Variants in SEC62 observed in about 807,000 individuals in gnomAD.
SEC62 encodes the protein SEC62 preprotein translocation factor, also known as translocation protein SEC62.
A neutral mutation model predicts 47.5 loss-of-function variants in SEC62; 10 were observed. That is an observed-to-expected ratio of 0.21 (90% CI 0.13 to 0.36). SEC62 has a LOEUF of 0.36. Ranked by LOEUF, SEC62 falls within the 10% of genes least tolerant of loss-of-function variation. SEC62 has a pLI of 1.00. For synonymous variants in SEC62, 136 were observed against 150.5 expected (o/e 0.90, Z 0.71); for missense variants, 327 against 464.1 (o/e 0.70, Z 2.71).
chr3:169,992,750 A>T lies in SEC62; in HGVS notation c.887A>T (p.Asp296Val), dbSNP rs776763843. Reference protein sequence around the residue: ...YKGPKADLKKDEKSETKKQQK... With the variant: ...YKGPKADLKKVEKSETKKQQK... ...GGACCAAAAGCAGACTTAAAGAAAG[A>T]TGAGAAGTCTGAAACCAAAAAGCAA... Residue 296 changes from aspartate (D) to valine (V), a missense_variant, in exon 8 of 8, where the codon GAT becomes GTT. This residue lies in a region of SEC62 where 99 missense variants were observed against 194.0 expected (regional missense o/e 0.51). Transcript: ENST00000337002. This position sits in a 1 kb window ranked among gnomAD's most constrained non-coding sequence, Gnocchi z 4.0. 6.2e-7 allele frequency: 1 copy of T among 1,614,168 alleles called. No homozygotes were observed. The highest frequency in any genetic ancestry group is 8.5e-7 in the Non-Finnish European group (1 of 1,180,032).
At chr3:169,972,303 G>A (rs1714717057) in intron 1 of SEC62, among the ~76,000 whole-genome samples, 1 of 152,108 alleles carries the variant, frequency 6.6e-6, no homozygotes, top group Non-Finnish European at 1.5e-5. Context: ...CTCTACTAGA[G>A]CCAAATTTTG....
chr3:169,979,503 T>A (rs1212005415), intron 3 of SEC62, among the ~76,000 whole-genome samples: 2 of 152,232 alleles, frequency 1.3e-5, no homozygotes, highest in Admixed American at 1.3e-4. Flanking sequence ...TCCACAAGAC[T>A]TTGTATCACT....
chr3:169,974,832 ACTC>A (rs1206855065), intron 1 of SEC62, among the ~76,000 whole-genome samples: 2 of 149,896 alleles, frequency 1.3e-5, no homozygotes, highest in African/African-American at 2.5e-5. Context: ...TAATTTGAGA[ACTC>A]CTTCTGCGAT....
rs1005467922 is a variant in SEC62 at position 169,996,670 on chromosome 3, T to C, written c.*3607T>C. The C allele has an allele frequency of 3.9e-5, 6 of 152,314 alleles. No individual in the cohort carries two copies. The highest frequency in any genetic ancestry group is 8.8e-5 in the Non-Finnish European group (6 of 68,180). 9.4% of individuals were successfully genotyped at this position (152,314 alleles called of 1,614,324 possible). A position where few individuals can be genotyped will look rare whatever the true frequency, so the allele number is the denominator to read the frequency against. ...GGATGGTAGGGTGCCTATTCTCGGC[T>C]CTTCTCCTGGGGTTGGGGGGCTGCC... On this transcript the variant is annotated 3_prime_UTR_variant, in exon 8 of 8. Transcript: ENST00000337002.
chr3:169,987,276 G>A (rs952603944), intron 6 of SEC62, among the ~76,000 whole-genome samples: 6 of 152,106 alleles, frequency 3.9e-5, no homozygotes, highest in Non-Finnish European at 5.9e-5. Context: ...AAAATTAGCC[G>A]GGTGTGGTGG....
At chr3:169,971,213 A>G (rs1714691293) in intron 1 of SEC62, among the ~76,000 whole-genome samples, 1 of 152,024 alleles carries the variant, frequency 6.6e-6, no homozygotes, top group African/African-American at 2.4e-5. Context: ...TGGGACTACA[A>G]GTGTGTGCAC....
chr3:169,972,858 A>G (rs1409106238), intron 1 of SEC62, among the ~76,000 whole-genome samples: 1 of 152,202 alleles, frequency 6.6e-6, no homozygotes, highest in Non-Finnish European at 1.5e-5. Flanking sequence ...GTAGCATCCA[A>G]AGATGATAGG....
At chr3:169,982,580 T>A (rs1715002040) in intron 3 of SEC62, 127 bp from the exon 4 acceptor site, 2 of 1,076,232 alleles carry the variant, frequency 1.9e-6, no homozygotes, top group African/African-American at 1.6e-5. Context: ...ACGGGCATAC[T>A]AGTTGTAATT....
At position 169,993,934 on chromosome 3, in the gene SEC62, G is replaced by A. The variant is rs969918097; in HGVS notation, c.*871G>A. 4 of 152,636 alleles carry A rather than the reference G, an allele frequency of 2.6e-5. No homozygotes were observed. Among genetic ancestry groups the A allele is most frequent in the African/African-American group, 9.7e-5 (4 of 41,446 alleles). The allele number at this position is 152,636 out of a possible 1,614,324, so 9.5% of individuals were successfully genotyped here. A position where few individuals can be genotyped will look rare whatever the true frequency, so the allele number is the denominator to read the frequency against. On this transcript the variant is annotated 3_prime_UTR_variant, in exon 8 of 8. Transcript: ENST00000337002. Reference sequence around the variant, plus strand: ...AGTTTGAGTAACCCACAGAACATCTGTGATCTTTCTACAGCAGCTTCAGTT... The same window carrying A: ...AGTTTGAGTAACCCACAGAACATCTATGATCTTTCTACAGCAGCTTCAGTT...
At chr3:169,990,017 TATATCATATATATC>T (rs1272661436) in intron 7 of SEC62, among the ~76,000 whole-genome samples, 2 of 143,548 alleles carry the variant, frequency 1.4e-5, no homozygotes, top group Non-Finnish European at 3.0e-5. Context: ...CATAATATTA[TATATCATATATATC>T]ATATAATATA....
In SEC62 at chr3:169,983,201, A is replaced by G. The variant is rs779753003; in HGVS notation, c.497A>G (p.Lys166Arg). 3 of 1,612,784 alleles carry G rather than the reference A, an allele frequency of 1.9e-6. No homozygotes were observed. The highest frequency in any genetic ancestry group is 4.5e-5 in the East Asian group (2 of 44,728). ...PGTPKKKETK[K>R]KFKLEPHDDQ... ...ACTCCTAAAAAGAAGGAAACTAAGA[A>G]AAAATTCAAACTTGAGCCACATGAT... The change falls in exon 5 of 8, where the codon AAA (lysine) becomes AGA (arginine). Residue 166 changes from lysine to arginine, a missense_variant. This residue lies in a region of SEC62 where 99 missense variants were observed against 194.0 expected (regional missense o/e 0.51). Transcript: ENST00000337002.
At chr3:169,975,108 C>G (rs1033541812) in intron 1 of SEC62, among the ~76,000 whole-genome samples, 1 of 152,084 alleles carries the variant, frequency 6.6e-6, no homozygotes, top group African/African-American at 2.4e-5. Context: ...TGGCGAAACC[C>G]TGTCTCTACT....
chr3:169,968,585 A>G (rs1714614268), intron 1 of SEC62: 1 of 152,068 alleles, frequency 6.6e-6, no homozygotes, highest in Non-Finnish European at 1.5e-5. Flanking sequence ...TGCTGTGAAA[A>G]TAATAGGTGA....
At chr3:169,988,787 T>C (rs1452711065) in intron 7 of SEC62, among the ~76,000 whole-genome samples, 1 of 152,182 alleles carries the variant, frequency 6.6e-6, no homozygotes, top group Non-Finnish European at 1.5e-5. Flanking sequence ...AATCTGCAAA[T>C]AGATGTGCTT....
chr3:169,992,826 G>C lies in SEC62; in HGVS notation c.963G>C (p.Glu321Asp), dbSNP rs34352823. Residue 321 changes from glutamate to aspartate, a missense_variant, in exon 8 of 8, where the codon GAG becomes GAC. Coordinates refer to ENST00000337002, the MANE Select transcript of SEC62 (RefSeq NM_003262.4). This position sits in a 1 kb window ranked among gnomAD's most constrained non-coding sequence, Gnocchi z 4.0. ...EKSDSEKKED[E>D]EGKVGPGNHG... ...CAGACAGTGAGAAAAAGGAAGATGA[G>C]GAGGGGAAAGTAGGACCAGGAAATC... 17,143 of 1,614,038 alleles carry C rather than the reference G, an allele frequency of 0.011. 128 individuals are homozygous for C. Among genetic ancestry groups the C allele is most frequent in the Non-Finnish European group, 0.013 (14,769 of 1,180,004 alleles).
Position 169,982,752 on chromosome 3 carries a change from A to G in SEC62, c.297A>G (p.Lys99=). 1.2e-6 allele frequency: 2 copies of G among 1,608,940 alleles called. No homozygotes were observed. Among genetic ancestry groups the G allele is most frequent in the Non-Finnish European group, 1.7e-6 (2 of 1,176,814 alleles). Residue 99 remains lysine (K), a synonymous_variant, in exon 4 of 8, where the codon AAA becomes AAG. Coordinates refer to ENST00000337002, the MANE Select transcript of SEC62 (RefSeq NM_003262.4). ...TTCACCGAGCCCTAAAAGTAATGAA[A>G]ATGAAATATGATAAAGACATAAAGA... is the stretch of plus-strand genomic sequence containing the variant. The part of the protein sequence containing the change: ...QFFHRALKVM[K]MKYDKDIKKE...
At chr3:169,969,225 C>A in intron 1 of SEC62, 1 of 441,846 alleles carries the variant, frequency 2.3e-6, no homozygotes, top group Non-Finnish European at 4.6e-6. Flanking sequence ...ATGTTTGATA[C>A]AAACAAATAA....
intron 3 of SEC62, among the ~76,000 whole-genome samples, chr3:169,977,760 A>G (rs1714872763): frequency 6.6e-6 from 1 of 151,888 alleles, no homozygotes; most frequent in African/African-American, 2.4e-5. Context: ...TATGTTAACT[A>G]AATTTTGTTT....
chr3:169,985,996 G>A lies in SEC62; in HGVS notation c.610+131G>A. 1.2e-5 allele frequency: 7 copies of A among 577,630 alleles called. No individual in the cohort carries two copies. In the Middle Eastern group the frequency reaches 1.4e-3, roughly 112 times the overall value. 35.8% of individuals were successfully genotyped at this position (577,630 alleles called of 1,614,324 possible). A position where few individuals can be genotyped will look rare whatever the true frequency, so the allele number is the denominator to read the frequency against. On this transcript the variant is annotated intron_variant, in intron 6 of 7. Coordinates refer to ENST00000337002, the MANE Select transcript of SEC62 (RefSeq NM_003262.4). ...TCATTTTAAAAATACTTTAAATAAAGTCAGAAGATAAATAATACACTAAGG... is the reference window on the plus strand; with the variant it reads ...TCATTTTAAAAATACTTTAAATAAAATCAGAAGATAAATAATACACTAAGG...
Sources: gnomAD v4.1 joint callset for allele counts (sites outside exome capture counted in the v4.1 genomes callset) on GRCh38, gnomAD v4.1.1 for gene constraint, gnomAD v4.1.1 regional missense constraint, Gnocchi (gnomAD v3.1) non-coding constraint, MANE v1.5 for transcripts, NCBI Gene and HGNC (gene_info 2026-07-23, HGNC 2026-07-21) for gene names.